The following RHBDL3 variants were observed in gnomAD, a reference collection of about 807,000 sequenced individuals.
RHBDL3 encodes rhomboid like 3.
In RHBDL3, 28 loss-of-function variants were observed where a neutral mutation model predicts 48.2. The ratio of observed to expected loss-of-function variants is 0.58; its 90% CI spans 0.43 to 0.80. The LOEUF (loss-of-function observed/expected upper bound fraction) is 0.80. RHBDL3 is among the 30% of genes least tolerant of loss of function. The pLI, the probability that RHBDL3 is intolerant of heterozygous loss-of-function variation, is 0.00. For missense variants in RHBDL3, 464 were observed against 542.7 expected (o/e 0.85, Z 1.44); for synonymous variants, 208 against 232.3 (o/e 0.90, Z 0.95).
intron 7 of RHBDL3, among the ~76,000 whole-genome samples, chr17:32,315,162 C>T (rs2040941314): frequency 6.6e-6 from 1 of 152,188 alleles, no homozygotes; most frequent in African/African-American, 2.4e-5. Flanking sequence ...CACGGATGTT[C>T]CTGCAACCTC....
At chr17:32,313,700 G>A (rs11655717) in intron 7 of RHBDL3, among the ~76,000 whole-genome samples, 63,801 of 149,290 alleles carry the variant, frequency 0.43, 15,404 homozygotes, top group Non-Finnish European at 0.55. Flanking sequence ...TTCACTTAGC[G>A]TAAGGTCCTC....
At chr17:32,267,672 C>CCCCAA in intron 1 of RHBDL3, 1 of 842,212 alleles carries the variant, frequency 1.2e-6, no homozygotes, top group Non-Finnish European at 1.6e-6. Context: ...CCGCCCCCAC[C>CCCCAA]CCATCCCTTA....
intron 7 of RHBDL3, among the ~76,000 whole-genome samples, chr17:32,314,945 G>A (rs117933558): frequency 0.012 from 1,878 of 152,316 alleles, 15 homozygotes; most frequent in Middle Eastern, 0.02. Context: ...CACCTAAAGC[G>A]GGACCGCAGG....
At chr17:32,310,028 C>T (rs954905425) in intron 7 of RHBDL3, among the ~76,000 whole-genome samples, 5 of 151,876 alleles carry the variant, frequency 3.3e-5, no homozygotes, top group South Asian at 2.1e-4. Context: ...GGATTACAGG[C>T]GTGAGCCACC....
intron 4 of RHBDL3, among the ~76,000 whole-genome samples, chr17:32,289,265 C>T (rs1417502310): frequency 4.6e-5 from 7 of 152,146 alleles, no homozygotes; most frequent in Admixed American, 4.6e-4. Context: ...CTTACTGCAG[C>T]CAAATCCCCG....
chr17:32,324,271 T>C lies in RHBDL3; in HGVS notation c.*3042T>C, dbSNP rs2041208557. 1 of 152,654 alleles carries C rather than the reference T, an allele frequency of 6.6e-6. No homozygotes were observed. Among genetic ancestry groups the C allele is most frequent in the African/African-American group, 2.4e-5 (1 of 41,456 alleles). 9.5% of individuals were successfully genotyped at this position (152,654 alleles called of 1,614,324 possible). ...TAGGAAAAGCTCCCTAATGAGGCTC[T>C]TTTGCCAGCTAATAGGACTCTCGAT... On this transcript the variant is annotated 3_prime_UTR_variant, in exon 9 of 9. Coordinates refer to ENST00000269051, the MANE Select transcript of RHBDL3 (RefSeq NM_138328.3).
intron 2 of RHBDL3, among the ~76,000 whole-genome samples, chr17:32,283,382 C>A (rs562137559): frequency 1.5e-5 from 2 of 132,428 alleles, no homozygotes; most frequent in African/African-American, 5.9e-5. Flanking sequence ...AGTGCAGTGG[C>A]GTGATCTCAG....
At chr17:32,299,488 C>G (rs1597662887) in intron 6 of RHBDL3, among the ~76,000 whole-genome samples, 1 of 152,258 alleles carries the variant, frequency 6.6e-6, no homozygotes, top group Admixed American at 6.5e-5. Context: ...GCCACCCACA[C>G]ACCCCCTAAT....
chr17:32,289,801 A>G (rs1464313984), intron 4 of RHBDL3, among the ~76,000 whole-genome samples: 2 of 152,062 alleles, frequency 1.3e-5, no homozygotes, highest in African/African-American at 4.8e-5. Context: ...GGATTTTATG[A>G]TCTCCGCTGT....
At chr17:32,270,132 CAAAAAAAAAAAAAA>C (rs66986205) in intron 2 of RHBDL3, among the ~76,000 whole-genome samples, 1 of 68,104 alleles carries the variant, frequency 1.5e-5, no homozygotes, top group Admixed American at 1.6e-4. Context: ...GACCCTTTCT[CAAAAAAAAAAAAAA>C]AAAAAAAAAA....
intron 2 of RHBDL3, among the ~76,000 whole-genome samples, chr17:32,282,604 C>T (rs1380778044): frequency 6.6e-6 from 1 of 152,120 alleles, no homozygotes; most frequent in African/African-American, 2.4e-5. Flanking sequence ...GATGTCCTTT[C>T]TTGTTCAATT....
At chr17:32,301,528 TAAAGG>T (rs1363330563) in intron 6 of RHBDL3, among the ~76,000 whole-genome samples, 1 of 148,570 alleles carries the variant, frequency 6.7e-6, no homozygotes, top group Non-Finnish European at 1.5e-5. Context: ...ATTTATAGAA[TAAAGG>T]AAAGTTGGCG....
intron 2 of RHBDL3, among the ~76,000 whole-genome samples, chr17:32,273,357 T>C (rs2039820597): frequency 6.6e-6 from 1 of 152,242 alleles, no homozygotes; most frequent in African/African-American, 2.4e-5. Flanking sequence ...CTGAGGTCAC[T>C]TGGTGCAATA....
chr17:32,277,970 G>A (rs969595651), intron 2 of RHBDL3, among the ~76,000 whole-genome samples: 1 of 152,148 alleles, frequency 6.6e-6, no homozygotes, highest in African/African-American at 2.4e-5. Context: ...GTACCATCAG[G>A]TACCTGGTAT....
In RHBDL3 at chr17:32,266,308, C is replaced by T. The variant is rs1168317471; in HGVS notation, c.111+8C>T. 2.8e-6 allele frequency: 4 copies of T among 1,416,440 alleles called. No individual in the cohort carries two copies. The highest frequency in any genetic ancestry group is 2.6e-5 in the South Asian group (2 of 75,508). 87.7% of individuals were successfully genotyped at this position (1,416,440 alleles called of 1,614,324 possible). A position where few individuals can be genotyped will look rare whatever the true frequency, so the allele number is the denominator to read the frequency against. The stretch of plus-strand genomic sequence containing the variant: ...CCCGCGGCGCCGGAGGACGTGAGTG[C>T]CCCCTCCCCGCCCGGCAAACTTTCT... On this transcript the variant is annotated splice_region_variant and intron_variant, in intron 1 of 8. Transcript: ENST00000269051.
chr17:32,297,834 C>A (rs1303867219), intron 5 of RHBDL3, among the ~76,000 whole-genome samples: 1 of 151,974 alleles, frequency 6.6e-6, no homozygotes, highest in Non-Finnish European at 1.5e-5. Context: ...TAGTCTGTCT[C>A]ACTGTGCCAA....
At chr17:32,320,857 G>T in intron 8 of RHBDL3, 101 bp from the exon 9 acceptor site, 1 of 801,520 alleles carries the variant, frequency 1.2e-6, no homozygotes, top group Non-Finnish European at 2.1e-6. Context: ...AATGGTGCTT[G>T]GCCTAATAGG....
At chr17:32,270,538 C>T (rs528689178) in intron 2 of RHBDL3, among the ~76,000 whole-genome samples, 2 of 151,964 alleles carry the variant, frequency 1.3e-5, no homozygotes, top group Non-Finnish European at 2.9e-5. Context: ...GGCCAGGATA[C>T]CTTTTGTGGG....
intron 6 of RHBDL3, among the ~76,000 whole-genome samples, chr17:32,298,684 C>T (rs2040512298): frequency 6.6e-6 from 1 of 152,238 alleles, no homozygotes; most frequent in South Asian, 2.1e-4. Context: ...AGCCAGGTAC[C>T]ACCCTGGCCA....
Sources: gnomAD v4.1 joint callset for allele counts (sites outside exome capture counted in the v4.1 genomes callset) on GRCh38, gnomAD v4.1.1 for gene constraint, MANE v1.5 for transcripts, NCBI Gene and HGNC (gene_info 2026-07-23, HGNC 2026-07-21) for gene names.